The following TXNIP variants were observed in gnomAD, a reference collection of about 807,000 sequenced individuals.
The protein encoded by TXNIP is thioredoxin interacting protein.
Under a neutral mutation model 43.9 loss-of-function variants are expected in TXNIP, and 23 were observed. That is an observed-to-expected ratio of 0.52 (90% confidence interval 0.38 to 0.74). The LOEUF (loss-of-function observed/expected upper bound fraction) is 0.74. TXNIP is among the 30% of genes least tolerant of loss of function. TXNIP has a pLI of 0.00. For missense variants in TXNIP, 555 were observed against 485.4 expected (o/e 1.14, Z -1.35); for synonymous variants, 234 against 172.2 (o/e 1.36, Z -2.81).
chr1:145,994,258 A>G, intron 6 of TXNIP, 23 bp downstream of exon 6: 1 of 1,613,276 alleles, frequency 6.2e-7, no homozygotes, highest in East Asian at 2.2e-5. Context: ...AGAAACAAAG[A>G]AAAGACATTA....
Position 145,995,430 on chromosome 1 carries a change from G to A in TXNIP, c.297C>T (p.Tyr99=), listed in dbSNP as rs1553766342. 1 of 1,614,070 alleles carries A rather than the reference G, an allele frequency of 6.2e-7. No homozygotes were observed. The highest frequency in any genetic ancestry group is 2.2e-5 in the East Asian group (1 of 44,892). ...CCTGAGGAAGCTCAAAGCCGAACTTGTACTCATATTTGTTTCCAGGTCTCA... is the reference window on the plus strand; with the variant it reads ...CCTGAGGAAGCTCAAAGCCGAACTTATACTCATATTTGTTTCCAGGTCTCA... ...VIMRPGNKYE[Y]KFGFELPQGP... Residue 99 remains tyrosine, a synonymous_variant, in exon 2 of 8, where the codon TAC becomes TAT. Transcript: ENST00000582401.
rs2101959733 is a variant in TXNIP, at chr1:145,993,668, A to G, written c.*183T>C. 1 of 624,384 alleles carries G rather than the reference A, an allele frequency of 1.6e-6. No individual in the cohort carries two copies. The highest frequency in any genetic ancestry group is 2.8e-5 in the East Asian group (1 of 35,710). The allele number at this position is 624,384 out of a possible 1,614,324, so 38.7% of individuals were successfully genotyped here. A position where few individuals can be genotyped will look rare whatever the true frequency, so the allele number is the denominator to read the frequency against. ...ATCACAACATGGGCGCTGGCTGAGG[A>G]TGAGTCCGCATCCTTTAAGGCCCAG... is the stretch of plus-strand genomic sequence containing the variant. On this transcript the variant is annotated 3_prime_UTR_variant, in exon 8 of 8. Transcript: ENST00000582401.
At chr1:145,994,865 A>G in intron 4 of TXNIP, 64 bp downstream of exon 4, 1 of 1,613,778 alleles carries the variant, frequency 6.2e-7, no homozygotes, top group Non-Finnish European at 8.5e-7. Flanking sequence ...CCTCTACCCC[A>G]GTCCCATGCC....
chr1:145,995,600 A>G (rs782055276), intron 1 of TXNIP, 124 bp from the exon 2 acceptor site: 47 of 857,518 alleles, frequency 5.5e-5, no homozygotes, highest in Admixed American at 1.7e-4. Context: ...TCCCATATAT[A>G]TATTTTTTAA....
intron 1 of TXNIP, chr1:145,995,731 A>G (rs1203752459): frequency 9.4e-5 from 57 of 607,772 alleles, no homozygotes; most frequent in Non-Finnish European, 1.3e-4. Context: ...TCAAATAGGA[A>G]GTAGACAAAG....
Position 145,996,094 on chromosome 1 carries a change from T to C in TXNIP, c.173A>G (p.Gln58Arg), listed in dbSNP as rs1553766544. 6.2e-7 allele frequency: 1 copy of C among 1,614,086 alleles called. No homozygotes were observed. Among genetic ancestry groups the C allele is most frequent in the Non-Finnish European group, 8.5e-7 (1 of 1,179,998 alleles). The change falls in exon 1 of 8, where the codon CAG becomes CGG. Residue 58 changes from glutamine to arginine, a missense_variant. By Grantham distance (43) the Gln-to-Arg change is conservative. Coordinates refer to ENST00000582401, the MANE Select transcript of TXNIP (RefSeq NM_006472.6). ...ACGVAKVLWM[Q>R]GSQQCKQTSE... ...AGTCTGTTTGCACTGCTGGGATCCC[T>C]GCATCCAAAGCACTTTAGCCACTCC...
chr1:145,995,424 G>T lies in TXNIP; in HGVS notation c.303C>A (p.Phe101Leu), dbSNP rs782028885. The T allele has an allele frequency of 3.1e-6, 5 of 1,613,832 alleles. No individual in the cohort carries two copies. The highest frequency in any genetic ancestry group is 4.2e-6 in the Non-Finnish European group (5 of 1,179,878). ...TTTACCCCTGAGGAAGCTCAAAGCC[G>T]AACTTGTACTCATATTTGTTTCCAG... ...MRPGNKYEYK[F>L]GFELPQGPLG... Residue 101 changes from phenylalanine (F) to leucine (L), a missense_variant, in exon 2 of 8, where the codon TTC becomes TTA. Physicochemically the swap from Phe to Leu is conservative, Grantham distance 22. Coordinates refer to ENST00000582401, the MANE Select transcript of TXNIP (RefSeq NM_006472.6).
rs1008675758 is a variant in TXNIP, at chr1:145,995,161, T to C, written c.454A>G (p.Asn152Asp). 1.2e-6 allele frequency: 2 copies of C among 1,613,888 alleles called. No homozygotes were observed. Among genetic ancestry groups the C allele is most frequent in the Non-Finnish European group, 1.7e-6 (2 of 1,179,768 alleles). Residue 152 changes from asparagine to aspartate, a missense_variant, in exon 3 of 8, where the codon AAT becomes GAT. Asn to Asp is a conservative substitution (Grantham distance 23). Transcript: ENST00000582401. ...NFEVVDLVDV[N>D]TPDLMAPVSA... ...GATCTCACCATTAAATCAGGGGTAT[T>C]GACATCCACCAGATCCACTACTTCA...
chr1:145,993,523 A>C lies in TXNIP; in HGVS notation c.*328T>G, dbSNP rs1247206460. 6.6e-5 allele frequency: 15 copies of C among 226,924 alleles called. No homozygotes were observed. Among genetic ancestry groups the C allele is most frequent in the Non-Finnish European group, 1.1e-4 (12 of 113,344 alleles). The allele number at this position is 226,924 out of a possible 1,614,324, so 14.1% of individuals were successfully genotyped here. A position where few individuals can be genotyped will look rare whatever the true frequency, so the allele number is the denominator to read the frequency against. On this transcript the variant is annotated 3_prime_UTR_variant, in exon 8 of 8. Coordinates refer to ENST00000582401, the MANE Select transcript of TXNIP (RefSeq NM_006472.6). ...AAAACCTTGAAAAGCTTACGCCAGG[A>C]GGCCATTTTTACCTGACCCGAAACT... is the stretch of plus-strand genomic sequence containing the variant.
chr1:145,992,919 T>A lies in TXNIP; in HGVS notation c.*932A>T, dbSNP rs199827526. On this transcript the variant is annotated 3_prime_UTR_variant, in exon 8 of 8. Coordinates refer to ENST00000582401, the MANE Select transcript of TXNIP (RefSeq NM_006472.6). ...TTTAAGCGTTAGAATTATATAATTCTGTACATTGGGGCAATCTCAAAAGTA... is the reference window on the plus strand; with the variant it reads ...TTTAAGCGTTAGAATTATATAATTCAGTACATTGGGGCAATCTCAAAAGTA... The A allele has an allele frequency of 6.5e-6, 1 of 152,688 alleles. No homozygotes were observed. The highest frequency in any genetic ancestry group is 1.5e-5 in the Non-Finnish European group (1 of 68,048). 9.5% of individuals were successfully genotyped at this position (152,688 alleles called of 1,614,324 possible).
In TXNIP at chr1:145,993,667, G is replaced by A. The variant is rs1651289971; in HGVS notation, c.*184C>T. 3.2e-6 allele frequency: 2 copies of A among 623,318 alleles called. No homozygotes were observed. The highest frequency in any genetic ancestry group is 5.5e-6 in the Non-Finnish European group (2 of 362,720). The allele number at this position is 623,318 out of a possible 1,614,324, so 38.6% of individuals were successfully genotyped here. On this transcript the variant is annotated 3_prime_UTR_variant, in exon 8 of 8. Coordinates refer to ENST00000582401, the MANE Select transcript of TXNIP (RefSeq NM_006472.6). The stretch of plus-strand genomic sequence containing the variant: ...TATCACAACATGGGCGCTGGCTGAG[G>A]ATGAGTCCGCATCCTTTAAGGCCCA...
chr1:145,994,756 G>A lies in TXNIP; in HGVS notation c.619C>T (p.Arg207Ter). Residue 207 changes from arginine (R) to a stop codon, truncating the protein, a stop_gained, in exon 5 of 8, where the codon CGA (arginine) becomes TGA (stop). Transcript: ENST00000582401. LOFTEE classifies it high-confidence loss of function. Reference protein sequence around the residue: ...IHADFENTCSRIVVPKAAIVA... With the variant: ...IHADFENTCS ...ATGGCAGCTTTGGGGACCACAATTC[G>A]GGAACATGTATTCTCAAAGTCAGCA... The A allele has an allele frequency of 2.5e-6, 4 of 1,614,142 alleles. No individual in the cohort carries two copies. The highest frequency in any genetic ancestry group is 4.5e-5 in the East Asian group (2 of 44,880).
chr1:145,995,354 C>G, intron 2 of TXNIP, 50 bp downstream of exon 2: 4 of 1,609,574 alleles, frequency 2.5e-6, no homozygotes, highest in East Asian at 2.2e-5. Flanking sequence ...CAAAGGAGGG[C>G]AAGATATTTT....
chr1:145,995,251 CT>C lies in TXNIP; in HGVS notation c.363del (p.Asp122ThrfsTer4), dbSNP rs1651431458. 1.2e-6 allele frequency: 2 copies of C among 1,614,110 alleles called. No homozygotes were observed. Among genetic ancestry groups the C allele is most frequent in the Non-Finnish European group, 1.7e-6 (2 of 1,180,026 alleles). The stretch of plus-strand genomic sequence containing the variant: ...TCAAGAAAAGCCTTCACCCAGTAGT[CT>C]ACACACCCATATTTTCCTTTGAAGG... Reference protein sequence around the residue: ...GTSFKGKYGCVDYWVKAFLDR... With the variant: ...GTSFKGKYGCXDYWVKAFLDR... On this transcript the variant is annotated frameshift_variant, in exon 3 of 8. Transcript: ENST00000582401. LOFTEE classifies it high-confidence loss of function.
chr1:145,995,700 G>A, intron 1 of TXNIP: 8 of 618,010 alleles, frequency 1.3e-5, no homozygotes, highest in Non-Finnish European at 2.0e-5. Flanking sequence ...GATTCACCCA[G>A]GACAGTTCTC....
At chr1:145,995,562 G>C in intron 1 of TXNIP, 86 bp from the exon 2 acceptor site, 1 of 1,259,832 alleles carries the variant, frequency 7.9e-7, no homozygotes, top group South Asian at 1.2e-5. Context: ...TGGGTGGCAT[G>C]CAAGGTATTG....
At position 145,995,404 on chromosome 1, in the gene TXNIP, C is replaced by T. The variant is rs782100691; in HGVS notation, c.323G>A (p.Gly108Glu). 7.4e-6 allele frequency: 12 copies of T among 1,613,470 alleles called. No individual in the cohort carries two copies. In the South Asian group the frequency reaches 1.2e-4, roughly 16 times the overall value. The change falls in exon 2 of 8, where the codon GGG becomes GAG. Residue 108 changes from glycine to glutamate, a missense_variant and splice_region_variant. Transcript: ENST00000582401. ...EYKFGFELPQ[G>E]PLGTSFKGKY... is the part of the protein sequence containing the mutation. ...AAAGATGCATTTAGCTGATATTTAC[C>T]CCTGAGGAAGCTCAAAGCCGAACTT...
intron 6 of TXNIP, 32 bp downstream of exon 6, chr1:145,994,249 G>C (rs782444787): frequency 1.9e-6 from 3 of 1,612,956 alleles, no homozygotes; most frequent in African/African-American, 1.3e-5. Flanking sequence ...AGGTAGACCA[G>C]AAACAAAGAA....
rs1458133180 is a variant in TXNIP at position 145,994,157 on chromosome 1, G to C, written c.999C>G (p.Cys333Trp). 1.2e-6 allele frequency: 2 copies of C among 1,614,086 alleles called. No individual in the cohort carries two copies. Among genetic ancestry groups the C allele is most frequent in the Admixed American group, 1.7e-5 (1 of 60,006 alleles). Residue 333 changes from cysteine to tryptophan, a missense_variant, in exon 7 of 8, where the codon TGC (cysteine) becomes TGG (tryptophan). Transcript: ENST00000582401. ...NIPDTPEAPP[C>W]YMDVIPEDHR... ...GATCTTCAGGAATGACATCCATATA[G>C]CAGGGAGGAGCTAGAAAAGAAAATA...
Sources: gnomAD v4.1 joint callset for allele counts on GRCh38, gnomAD v4.1.1 for gene constraint, MANE v1.5 for transcripts, NCBI Gene and HGNC (gene_info 2026-07-23, HGNC 2026-07-21) for gene names.